Variants in RFX2 observed in about 807,000 individuals in gnomAD.
RFX2 encodes DNA-binding protein RFX2.
In RFX2, 20 loss-of-function variants were observed where a neutral mutation model predicts 87.8. The ratio of observed to expected loss-of-function variants is 0.23; its 90% confidence interval spans 0.16 to 0.33. RFX2 has a LOEUF of 0.33. Ranked by LOEUF, RFX2 falls within the 10% of genes least tolerant of loss-of-function variation. The pLI, the probability that RFX2 is intolerant of heterozygous loss-of-function variation, is 1.00. For synonymous variants in RFX2, 397 were observed against 431.3 expected, an observed-to-expected ratio of 0.92 and a Z score of 0.98; for missense variants, 767 against 1,012.3, an observed-to-expected ratio of 0.76 and a Z score of 3.29.
intron 1 of RFX2, among the ~76,000 whole-genome samples, chr19:6,070,468 G>T (rs943485874): frequency 2.6e-5 from 4 of 151,986 alleles, no homozygotes; most frequent in Admixed American, 2.0e-4. Context: ...TGGCTGCTGG[G>T]GGCCTCCACT....
chr19:6,062,827 A>G (rs1241616008), intron 1 of RFX2, among the ~76,000 whole-genome samples: 1 of 152,190 alleles, frequency 6.6e-6, no homozygotes. Flanking sequence ...AGCGTGACTT[A>G]GAATGATCGT....
chr19:6,097,394 G>A (rs550169255), intron 1 of RFX2, among the ~76,000 whole-genome samples: 1 of 152,224 alleles, frequency 6.6e-6, no homozygotes, highest in South Asian at 2.1e-4. Flanking sequence ...ATTGCATGGA[G>A]TTTAGCGGCA....
At chr19:5,995,262 GA>G (rs2086389965) in intron 17 of RFX2, among the ~76,000 whole-genome samples, 1 of 152,192 alleles carries the variant, frequency 6.6e-6, no homozygotes, top group Non-Finnish European at 1.5e-5. Flanking sequence ...GCATGGGACA[GA>G]GACGGGGCCC....
Position 6,017,550 on chromosome 19 carries a change from G to A in RFX2, c.598-1279C>T, listed in dbSNP as rs971446168. On this transcript the variant is annotated intron_variant, in intron 6 of 17. Transcript: ENST00000303657. The surrounding 1 kb of genome is among the most constrained non-coding windows in gnomAD (Gnocchi z 4.1). ...ATTTGCAGAAAGACAGGAATTCCAC[G>A]CACAGAAGCGAGGCCCGAGTCCAGA... 3.9e-5 allele frequency among the ~76,000 whole-genome samples: 6 copies of A among 152,360 alleles called. No individual in the cohort carries two copies. Among genetic ancestry groups the A allele is most frequent in the East Asian group, 1.9e-4 (1 of 5,194 alleles).
Position 6,047,445 on chromosome 19 carries a change from G to A in RFX2, c.52C>T (p.Pro18Ser). The A allele has an allele frequency of 6.2e-7, 1 of 1,604,934 alleles. No individual in the cohort carries two copies. The highest frequency in any genetic ancestry group is 8.5e-7 in the Non-Finnish European group (1 of 1,175,956). ...GGCACAGGCGGGGCTGCCGCCGAGG[G>A]ACGCAGAGCCACGGACGCTGGCGAA... ...ADSPASVALR[P>S]SAAAPPVPAS... Residue 18 changes from proline (P) to serine (S), a missense_variant, in exon 2 of 18, where the codon CCC (proline) becomes TCC (serine). Pro to Ser is a moderately conservative substitution (Grantham distance 74, BLOSUM62 -1). This residue lies in a region of RFX2 where 146 missense variants were observed against 139.2 expected (regional missense o/e 1.05). Coordinates refer to ENST00000303657, the MANE Select transcript of RFX2 (RefSeq NM_000635.4). The surrounding 1 kb of genome is among the most constrained non-coding windows in gnomAD (Gnocchi z 4.2).
rs2087172888 is a variant in RFX2 at position 6,045,419 on chromosome 19, C to T, written c.91-1137G>A. Among the ~76,000 whole-genome samples, 1 of 152,124 alleles carries T rather than the reference C, an allele frequency of 6.6e-6. No individual in the cohort carries two copies. Among genetic ancestry groups the T allele is most frequent in the African/African-American group, 2.4e-5 (1 of 41,424 alleles). Reference sequence around the variant, plus strand: ...GGCCTGGGAGAGCCTGAGAGAGGGGCTTGGCAGGAAGACCTGAGGGCTGAC... The same window carrying T: ...GGCCTGGGAGAGCCTGAGAGAGGGGTTTGGCAGGAAGACCTGAGGGCTGAC... On this transcript the variant is annotated intron_variant, in intron 2 of 17. Transcript: ENST00000303657. The surrounding 1 kb of genome is among the most constrained non-coding windows in gnomAD (Gnocchi z 5.2).
intron 1 of RFX2, among the ~76,000 whole-genome samples, chr19:6,095,634 A>G (rs1254801622): frequency 6.6e-6 from 1 of 151,982 alleles, no homozygotes; most frequent in Non-Finnish European, 1.5e-5. Context: ...GGGGCAGGGA[A>G]GGGGTCAAGA....
At chr19:6,055,276 C>T (rs984057224) in intron 1 of RFX2, among the ~76,000 whole-genome samples, 16 of 151,792 alleles carry the variant, frequency 1.1e-4, no homozygotes, top group Non-Finnish European at 2.2e-4. Context: ...TATGACCACA[C>T]TGGAAAGAGG....
chr19:6,042,273 C>A, intron 3 of RFX2, 150 bp from the exon 4 acceptor site: 1 of 699,894 alleles, frequency 1.4e-6, no homozygotes, highest in Non-Finnish European at 2.5e-6. Context: ...CCTAGAAAGA[C>A]ACTGAGGAGA....
intron 1 of RFX2, among the ~76,000 whole-genome samples, chr19:6,102,091 C>T (rs978894241): frequency 1.4e-4 from 21 of 152,166 alleles, no homozygotes; most frequent in Admixed American, 6.5e-5. Flanking sequence ...ATCACATTCA[C>T]GGGGACATGA....
In RFX2 at chr19:6,047,872, G is replaced by C. The variant is rs552531860; in HGVS notation, c.-8-368C>G. ...CATTTACCCAGAAATCAAAAGCTCT[G>C]GGTGGGTGACTGCCATTTGGGAAGC... On this transcript the variant is annotated intron_variant, in intron 1 of 17. Coordinates refer to ENST00000303657, the MANE Select transcript of RFX2 (RefSeq NM_000635.4). The surrounding 1 kb of genome is among the most constrained non-coding windows in gnomAD (Gnocchi z 4.2). Among the ~76,000 whole-genome samples, 74 of 152,354 alleles carry C rather than the reference G, an allele frequency of 4.9e-4. No homozygotes were observed. Among genetic ancestry groups the C allele is most frequent in the Non-Finnish European group, 6.8e-4 (46 of 68,036 alleles).
At chr19:6,058,737 C>T (rs1166493582) in intron 1 of RFX2, among the ~76,000 whole-genome samples, 1 of 151,990 alleles carries the variant, frequency 6.6e-6, no homozygotes, top group Non-Finnish European at 1.5e-5. Context: ...CTGTTTTCTT[C>T]TCAGGAGCCA....
rs78612848 is a variant in RFX2 at position 6,039,779 on chromosome 19, G to A, written c.522+201C>T. Among the ~76,000 whole-genome samples, 3,554 of 152,314 alleles carry A rather than the reference G, an allele frequency of 0.023. 146 individuals are homozygous for A. Among genetic ancestry groups the A allele is most frequent in the African/African-American group, 0.082 (3,387 of 41,548 alleles). On this transcript the variant is annotated intron_variant, in intron 5 of 17. Transcript: ENST00000303657. The surrounding 1 kb of genome is among the most constrained non-coding windows in gnomAD (Gnocchi z 5.2). The stretch of plus-strand genomic sequence containing the variant: ...CTCCTCTTTATACCAATGGCCAACT[G>A]AAGTTCAAAGAACTCTGCAGGCCTG...
intron 1 of RFX2, among the ~76,000 whole-genome samples, chr19:6,081,581 C>A (rs1435312894): frequency 1.3e-5 from 2 of 152,334 alleles, no homozygotes; most frequent in Admixed American, 6.5e-5. Flanking sequence ...GTGTTAATTG[C>A]TATTGGCTTA....
intron 12 of RFX2, among the ~76,000 whole-genome samples, chr19:6,006,171 T>C (rs11879954): frequency 0.1 from 15,165 of 152,020 alleles, 2,503 homozygotes; most frequent in African/African-American, 0.34. Flanking sequence ...CACTTAGGGA[T>C]TTTTTTTGAG....
At chr19:6,003,828 T>A (rs1370145064) in intron 13 of RFX2, among the ~76,000 whole-genome samples, 2 of 118,200 alleles carry the variant, frequency 1.7e-5, no homozygotes, top group East Asian at 4.8e-4. Context: ...GTGAGAACGG[T>A]GGGTAATCAC....
chr19:6,008,218 G>A lies in RFX2; in HGVS notation c.1022C>T (p.Ser341Phe), dbSNP rs143263369. 2 of 1,555,162 alleles carry A rather than the reference G, an allele frequency of 1.3e-6. No individual in the cohort carries two copies. The highest frequency in any genetic ancestry group is 2.7e-5 in the African/African-American group (2 of 74,290). Residue 341 changes from serine to phenylalanine, a missense_variant, in exon 10 of 18, where the codon TCC becomes TTC. Ser to Phe is a radical substitution (Grantham distance 155, BLOSUM62 -2). Around this residue, in one of 2 missense-constraint regions of RFX2, gnomAD observed 621 missense variants for 873.0 expected, o/e 0.71. Coordinates refer to ENST00000303657, the MANE Select transcript of RFX2 (RefSeq NM_000635.4). ...CGCTGGGAACTCGGGGAAGACGTGG[G>A]AGACATCTGGGGGAGGAACACGGGA... ...SQHHQQYIDV[S>F]HVFPEFPAPD... is the part of the protein sequence containing the mutation.
chr19:6,068,149 T>C (rs2087540486), intron 1 of RFX2: 1 of 152,102 alleles, frequency 6.6e-6, no homozygotes, highest in African/African-American at 2.4e-5. Context: ...GCTGGTGCCA[T>C]GGGAGGCTTT....
rs1211906773 is a variant in RFX2, at chr19:6,007,035, G to C, written c.1379C>G (p.Pro460Arg). 6.2e-7 allele frequency: 1 copy of C among 1,614,134 alleles called. No homozygotes were observed. Among genetic ancestry groups the C allele is most frequent in the Non-Finnish European group, 8.5e-7 (1 of 1,180,018 alleles). Residue 460 changes from proline to arginine, a missense_variant, in exon 12 of 18, where the codon CCC (proline) becomes CGC (arginine). Pro to Arg is a moderately radical substitution (Grantham distance 103). This residue lies in a region of RFX2 where 621 missense variants were observed against 873.0 expected (regional missense o/e 0.71). Coordinates refer to ENST00000303657, the MANE Select transcript of RFX2 (RefSeq NM_000635.4). The surrounding 1 kb of genome is among the most constrained non-coding windows in gnomAD (Gnocchi z 8.2). ...LYQALVEILIPDVLRPVPSTL... is the reference protein window; with the variant it reads ...LYQALVEILIRDVLRPVPSTL... Reference sequence around the variant, plus strand: ...ACTGGGGACCGGCCTCAGCACGTCGGGGATGAGAATCTCCACCAGCGCCTG... The same window carrying C: ...ACTGGGGACCGGCCTCAGCACGTCGCGGATGAGAATCTCCACCAGCGCCTG...
Sources: gnomAD v4.1 joint callset for allele counts (sites outside exome capture counted in the v4.1 genomes callset) on GRCh38, gnomAD v4.1.1 for gene constraint, gnomAD v4.1.1 regional missense constraint, Gnocchi (gnomAD v3.1) non-coding constraint, MANE v1.5 for transcripts, NCBI Gene and HGNC (gene_info 2026-07-23, HGNC 2026-07-21) for gene names.